The following RBM27 variants were observed in gnomAD, a reference collection of about 807,000 sequenced individuals.
RBM27 encodes RNA binding motif protein 27.
Under a neutral mutation model 135.3 loss-of-function variants are expected in RBM27, and 22 were observed. The observed-to-expected ratio is 0.16, with a 90% CI of 0.12 to 0.23. The LOEUF (loss-of-function observed/expected upper bound fraction) is 0.23. Ranked by LOEUF, RBM27 falls within the 10% of genes least tolerant of loss-of-function variation. The probability of loss-of-function intolerance (pLI) is 1.00; values close to 1 mark genes in which losing one functional copy is unlikely to be tolerated. For missense variants in RBM27, 1,009 were observed against 1,281.0 expected, an observed-to-expected ratio of 0.79 and a Z score of 3.24; for synonymous variants, 481 against 442.4, an observed-to-expected ratio of 1.09 and a Z score of -1.10.
At chr5:146,274,496 G>A (rs902317004) in intron 19 of RBM27, among the ~76,000 whole-genome samples, 3 of 152,140 alleles carry the variant, frequency 2.0e-5, no homozygotes, top group African/African-American at 7.2e-5. Context: ...CTGGCCTCCA[G>A]TGATAACTGC....
At chr5:146,239,534 G>A (rs1476006726) in intron 8 of RBM27, among the ~76,000 whole-genome samples, 1 of 137,424 alleles carries the variant, frequency 7.3e-6, no homozygotes, top group East Asian at 2.1e-4. Context: ...CTGGAGTACA[G>A]TGGTGCAATC....
At position 146,245,946 on chromosome 5, in the gene RBM27, C is replaced by G. The variant is rs181777377; in HGVS notation, c.1280-5765C>G. Among the ~76,000 whole-genome samples, 56 of 152,266 alleles carry G rather than the reference C, an allele frequency of 3.7e-4. 1 individual carries two copies. The highest frequency in any genetic ancestry group is 1.6e-4 in the Non-Finnish European group (11 of 68,030). ...ACTGCTGGTCTAGAGGCTTTCTCCC[C>G]CTTGTATTTGACCTGATTCATGTTG... On this transcript the variant is annotated intron_variant, in intron 8 of 20. Coordinates refer to ENST00000265271, the MANE Select transcript of RBM27 (RefSeq NM_018989.2).
rs1756541289 is a variant in RBM27 at position 146,223,445 on chromosome 5, C to T, written c.221C>T (p.Thr74Ile). The change falls in exon 3 of 21, where the codon ACT (threonine) becomes ATT (isoleucine). Residue 74 changes from threonine to isoleucine, a missense_variant. This residue lies in a region of RBM27 where 268 missense variants were observed against 326.6 expected (regional missense o/e 0.82). Transcript: ENST00000265271. ...FVDKLFESLYTKNYLPLLEPV... is the reference protein window; with the variant it reads ...FVDKLFESLYIKNYLPLLEPV... ...GACAAACTATTTGAAAGTCTCTATA[C>T]TAAGAACTACCTTCCACTTTTGGAA... 1.2e-6 allele frequency: 2 copies of T among 1,609,972 alleles called. No homozygotes were observed. Among genetic ancestry groups the T allele is most frequent in the Non-Finnish European group, 8.5e-7 (1 of 1,178,158 alleles).
At chr5:146,277,355 T>C (rs1384338125) in intron 19 of RBM27, among the ~76,000 whole-genome samples, 1 of 152,156 alleles carries the variant, frequency 6.6e-6, no homozygotes, top group Admixed American at 6.5e-5. Flanking sequence ...TGTTTATGAA[T>C]ATAGATATAC....
In RBM27 at chr5:146,259,979, CAAAAAAAAA is replaced by C. The variant is rs34781548; in HGVS notation, c.1740-746_1740-738del. ...TGGGCGACAGAGCGAGACTCCGTCT[CAAAAAAAAA>C]AAAAAAAAAAAAAAAAAAAGAATAA... is the stretch of plus-strand genomic sequence containing the variant. On this transcript the variant is annotated intron_variant, in intron 11 of 20. Coordinates refer to ENST00000265271, the MANE Select transcript of RBM27 (RefSeq NM_018989.2). Among the ~76,000 whole-genome samples, 237 of 35,270 alleles carry C rather than the reference CAAAAAAAAA, an allele frequency of 6.7e-3. 3 individuals are homozygous for C. Among genetic ancestry groups the C allele is most frequent in the African/African-American group, 0.039 (219 of 5,648 alleles). The allele number at this position is 35,270 out of a possible 152,430, so 23.1% of individuals were successfully genotyped here.
At chr5:146,269,162 T>A in intron 15 of RBM27, 45 bp from the exon 16 acceptor site, 1 of 1,424,656 alleles carries the variant, frequency 7.0e-7, no homozygotes, top group Non-Finnish European at 9.7e-7. Context: ...TTGAGAATGG[T>A]GGCAAATTAC....
chr5:146,263,688 T>C (rs749948695), intron 14 of RBM27, 57 bp downstream of exon 14: 38 of 1,572,482 alleles, frequency 2.4e-5, no homozygotes, highest in Non-Finnish European at 3.1e-5. Flanking sequence ...ATTAACAGAA[T>C]AAATCAGTTA....
intron 10 of RBM27, among the ~76,000 whole-genome samples, chr5:146,255,710 GT>G (rs75813561): frequency 6.6e-6 from 1 of 152,008 alleles, no homozygotes; most frequent in Admixed American, 6.6e-5. Context: ...TGAGATTCCA[GT>G]TTTTTTCTAG....
intron 3 of RBM27, among the ~76,000 whole-genome samples, chr5:146,226,246 T>TA (rs1481759946): frequency 6.6e-6 from 1 of 152,180 alleles, no homozygotes; most frequent in Non-Finnish European, 1.5e-5. Flanking sequence ...GTCTATGGTA[T>TA]AGATTATGTT....
At chr5:146,222,449 C>T (rs757538562) in intron 2 of RBM27, among the ~76,000 whole-genome samples, 3 of 152,120 alleles carry the variant, frequency 2.0e-5, no homozygotes, top group African/African-American at 4.8e-5. Flanking sequence ...TTTGGGAGGC[C>T]GAGGCAGGCA....
chr5:146,215,148 C>G (rs1190338394), intron 1 of RBM27, among the ~76,000 whole-genome samples: 2 of 152,156 alleles, frequency 1.3e-5, no homozygotes, highest in Non-Finnish European at 2.9e-5. Flanking sequence ...CTCCCAGGCT[C>G]AAGCAGTTCT....
chr5:146,234,868 T>C (rs2126765985), intron 7 of RBM27, among the ~76,000 whole-genome samples: 1 of 151,604 alleles, frequency 6.6e-6, no homozygotes, highest in East Asian at 1.9e-4. Context: ...ACCCCATCTC[T>C]AGAAAAAATA....
intron 1 of RBM27, 140 bp downstream of exon 1, chr5:146,203,964 T>C: frequency 2.4e-6 from 2 of 829,400 alleles, no homozygotes; most frequent in East Asian, 2.9e-5. Flanking sequence ...CCTGTAGTAC[T>C]ATCACCATTG....
rs777379250 is a variant in RBM27, at chr5:146,284,721, G to A, written c.3088G>A (p.Val1030Ile). The change falls in exon 20 of 21, where the codon GTC becomes ATC. Residue 1030 changes from valine (V) to isoleucine (I), a missense_variant. Physicochemically the swap from Val to Ile is conservative, Grantham distance 29. This residue lies in a region of RBM27 where 355 missense variants were observed against 427.3 expected (regional missense o/e 0.83). Transcript: ENST00000265271. ...ATCCACTGAGACTGAAGAAGAAGAA[G>A]TCAAGGAGGAGGTAAATTTAGTGGT... ...SISTETEEEE[V>I]KEEETETSDL... 6.2e-6 allele frequency: 10 copies of A among 1,603,146 alleles called. No homozygotes were observed. The highest frequency in any genetic ancestry group is 1.7e-5 in the Admixed American group (1 of 58,942).
At chr5:146,208,477 A>C (rs1755799885) in intron 1 of RBM27, among the ~76,000 whole-genome samples, 2 of 151,944 alleles carry the variant, frequency 1.3e-5, no homozygotes, top group Non-Finnish European at 2.9e-5. Context: ...TTGGCAATGC[A>C]GTAAAAGGGA....
chr5:146,211,761 C>G (rs1581134805), intron 1 of RBM27, among the ~76,000 whole-genome samples: 1 of 151,812 alleles, frequency 6.6e-6, no homozygotes, highest in East Asian at 1.9e-4. Flanking sequence ...CAGGCCTGGC[C>G]CAGTATGGTC....
In RBM27 at chr5:146,261,498, A is replaced by G; in HGVS notation, c.1894-12A>G. 6.2e-7 allele frequency: 1 copy of G among 1,603,178 alleles called. No individual in the cohort carries two copies. The highest frequency in any genetic ancestry group is 8.5e-7 in the Non-Finnish European group (1 of 1,171,586). The stretch of plus-strand genomic sequence containing the variant: ...TGTTTTTGGGAATTTATATTGTTTT[A>G]TTTTCTTCAAGGTTGCTTTTAAGGG... On this transcript the variant is annotated splice_polypyrimidine_tract_variant and intron_variant, in intron 12 of 20. Coordinates refer to ENST00000265271, the MANE Select transcript of RBM27 (RefSeq NM_018989.2).
In RBM27 at chr5:146,203,930, C is replaced by T. The variant is rs1332809449; in HGVS notation, c.59+106C>T. 2.2e-5 allele frequency: 24 copies of T among 1,107,208 alleles called. No individual in the cohort carries two copies. The East Asian group carries it at 5.9e-4, about 27-fold the overall frequency. The allele number at this position is 1,107,208 out of a possible 1,614,324, so 68.6% of individuals were successfully genotyped here. A position where few individuals can be genotyped will look rare whatever the true frequency, so the allele number is the denominator to read the frequency against. ...GGGGGGCGGCGCTGAGGGGCCGCGG[C>T]CGGGAGGTCCCGGCGACGCCTTCCC... On this transcript the variant is annotated intron_variant, in intron 1 of 20. Coordinates refer to ENST00000265271, the MANE Select transcript of RBM27 (RefSeq NM_018989.2).
At chr5:146,266,053 C>A (rs1758601907) in intron 14 of RBM27, among the ~76,000 whole-genome samples, 1 of 152,166 alleles carries the variant, frequency 6.6e-6, no homozygotes, top group Non-Finnish European at 1.5e-5. Context: ...ACCCAGGGAT[C>A]CTTGAAGAAA....
Sources: gnomAD v4.1 joint callset for allele counts (sites outside exome capture counted in the v4.1 genomes callset) on GRCh38, gnomAD v4.1.1 for gene constraint, gnomAD v4.1.1 regional missense constraint, MANE v1.5 for transcripts, NCBI Gene and HGNC (gene_info 2026-07-23, HGNC 2026-07-21) for gene names.